Variants in AGBL4 observed in about 807,000 individuals in gnomAD.
AGBL4 encodes the protein AGBL carboxypeptidase 4, also known as cytosolic carboxypeptidase 6.
A neutral mutation model predicts 66.4 loss-of-function variants in AGBL4; 58 were observed. The observed-to-expected ratio is 0.87, with a 90% CI of 0.71 to 1.09. The LOEUF is 1.09. Ranked by LOEUF, AGBL4 falls within the 50% of genes least tolerant of loss-of-function variation. AGBL4 has a pLI of 0.00. For synonymous variants in AGBL4, 234 were observed against 222.9 expected, an observed-to-expected ratio of 1.05 and a Z score of -0.44; for missense variants, 579 against 631.0, an observed-to-expected ratio of 0.92 and a Z score of 0.88.
intron 2 of AGBL4, among the ~76,000 whole-genome samples, chr1:49,811,190 T>A (rs1394954206): frequency 6.6e-6 from 1 of 152,126 alleles, no homozygotes; most frequent in Non-Finnish European, 1.5e-5. Flanking sequence ...ATCTAAGAAC[T>A]TCTATGTTGG....
chr1:49,070,799 A>C (rs1464519011), intron 4 of AGBL4, among the ~76,000 whole-genome samples: 2 of 151,974 alleles, frequency 1.3e-5, no homozygotes, highest in East Asian at 1.9e-4. Context: ...ATTGTTTCAA[A>C]AGGAATGGTA....
intron 2 of AGBL4, among the ~76,000 whole-genome samples, chr1:49,702,520 T>A (rs1175685161): frequency 6.6e-6 from 1 of 151,804 alleles, no homozygotes; most frequent in Non-Finnish European, 1.5e-5. Context: ...CACCAATTCT[T>A]CACAAACTCT....
At chr1:49,671,013 G>T (rs1389685465) in intron 3 of AGBL4, among the ~76,000 whole-genome samples, 2 of 152,094 alleles carry the variant, frequency 1.3e-5, no homozygotes, top group African/African-American at 4.8e-5. Flanking sequence ...AACCAAAAAA[G>T]AGTTTGAATA....
rs138135072 is a variant in AGBL4 at position 49,394,905 on chromosome 1, C to T, written c.283-149041G>A. Among the ~76,000 whole-genome samples, 36 of 152,256 alleles carry T rather than the reference C, an allele frequency of 2.4e-4. No individual in the cohort carries two copies. The East Asian group carries it at 4.4e-3, about 19-fold the overall frequency. ...GTTTATTTTCATTCTGGTCTCTCTGCCTAATGCTTTCCTTCAAAAAGAATA... is the reference window on the plus strand; with the variant it reads ...GTTTATTTTCATTCTGGTCTCTCTGTCTAATGCTTTCCTTCAAAAAGAATA... On this transcript the variant is annotated intron_variant, in intron 3 of 13. Coordinates refer to ENST00000371839, the MANE Select transcript of AGBL4 (RefSeq NM_032785.4).
At chr1:49,751,444 G>A (rs933092671) in intron 2 of AGBL4, among the ~76,000 whole-genome samples, 1 of 152,198 alleles carries the variant, frequency 6.6e-6, no homozygotes, top group African/African-American at 2.4e-5. Flanking sequence ...CTTGATCGTG[G>A]TGGATAAGCT....
chr1:49,699,789 T>C (rs1352203117), intron 2 of AGBL4, among the ~76,000 whole-genome samples: 1 of 151,906 alleles, frequency 6.6e-6, no homozygotes, highest in Non-Finnish European at 1.5e-5. Context: ...AAAATCACAG[T>C]TATGTATGAT....
intron 2 of AGBL4, among the ~76,000 whole-genome samples, chr1:49,705,049 T>A (rs1445003703): frequency 6.6e-6 from 1 of 152,208 alleles, no homozygotes; most frequent in Non-Finnish European, 1.5e-5. Flanking sequence ...TGATTCTTCC[T>A]ATCTATGAGC....
At chr1:49,428,563 T>G (rs1645716136) in intron 3 of AGBL4, among the ~76,000 whole-genome samples, 1 of 152,218 alleles carries the variant, frequency 6.6e-6, no homozygotes, top group South Asian at 2.1e-4. Context: ...CTCTCCTGCC[T>G]GGAGTTTACT....
rs145484927 is a variant in AGBL4, at chr1:49,744,045, A to G, written c.158-46608T>C. Among the ~76,000 whole-genome samples the G allele has an allele frequency of 5.1e-3, 777 of 151,630 alleles. 3 individuals are homozygous for G. Among genetic ancestry groups the G allele is most frequent in the Non-Finnish European group, 9.1e-3 (617 of 67,970 alleles). On this transcript the variant is annotated intron_variant, in intron 2 of 13. Coordinates refer to ENST00000371839, the MANE Select transcript of AGBL4 (RefSeq NM_032785.4). ...GTTGTGCACATGTACCCTAAAACTT[A>G]AAGTATAATAAAAAAAAAAGATAGT...
intron 7 of AGBL4, among the ~76,000 whole-genome samples, chr1:48,660,504 C>T (rs941652730): frequency 2.2e-4 from 34 of 152,218 alleles, no homozygotes; most frequent in African/African-American, 8.0e-4. Flanking sequence ...ACATTTAGGG[C>T]TATGACTGAG....
intron 1 of AGBL4, among the ~76,000 whole-genome samples, chr1:49,978,941 G>C (rs536169595): frequency 2.0e-5 from 3 of 152,186 alleles, no homozygotes; most frequent in South Asian, 2.1e-4. Flanking sequence ...GACTGTGTGG[G>C]TACAATATAC....
chr1:49,144,479 T>G (rs893890121), intron 4 of AGBL4, among the ~76,000 whole-genome samples: 15 of 151,204 alleles, frequency 9.9e-5, no homozygotes, highest in African/African-American at 3.6e-4. Flanking sequence ...GAGTCATGCT[T>G]AAAGGCCCAG....
At chr1:49,690,190 C>T (rs1646861069) in intron 3 of AGBL4, among the ~76,000 whole-genome samples, 1 of 152,120 alleles carries the variant, frequency 6.6e-6, no homozygotes, top group South Asian at 2.1e-4. Context: ...AGACATAATG[C>T]TATTGCACAT....
At chr1:49,765,588 A>G (rs978148308) in intron 2 of AGBL4, among the ~76,000 whole-genome samples, 17 of 152,140 alleles carry the variant, frequency 1.1e-4, no homozygotes, top group African/African-American at 3.4e-4. Flanking sequence ...CTCTCCAGAA[A>G]TGGTCTCTAA....
chr1:49,353,970 ACTG>A (rs900158374), intron 3 of AGBL4, among the ~76,000 whole-genome samples: 4 of 152,124 alleles, frequency 2.6e-5, no homozygotes, highest in Admixed American at 6.5e-5. Flanking sequence ...TTCAAGTCTG[ACTG>A]ACCTGATTCT....
intron 6 of AGBL4, among the ~76,000 whole-genome samples, chr1:48,807,396 A>C (rs1558008380): frequency 6.6e-6 from 1 of 152,250 alleles, no homozygotes; most frequent in Non-Finnish European, 1.5e-5. Context: ...GAGGTGATGC[A>C]AATTAAGAAG....
At chr1:49,160,326 T>C (rs1055349141) in intron 4 of AGBL4, among the ~76,000 whole-genome samples, 3 of 152,204 alleles carry the variant, frequency 2.0e-5, no homozygotes, top group African/African-American at 7.2e-5. Context: ...GCCCCTCTGC[T>C]GCAGGTCTGC....
intron 3 of AGBL4, among the ~76,000 whole-genome samples, chr1:49,425,280 C>T (rs959999370): frequency 6.6e-6 from 1 of 152,004 alleles, no homozygotes; most frequent in Non-Finnish European, 1.5e-5. Flanking sequence ...TTTGCTCTAC[C>T]ATGTTAAAGA....
intron 3 of AGBL4, among the ~76,000 whole-genome samples, chr1:49,346,922 A>T (rs2148513436): frequency 6.6e-6 from 1 of 152,266 alleles, no homozygotes; most frequent in Middle Eastern, 3.4e-3. Flanking sequence ...TAATCATAGG[A>T]TATTTATGGT....
Sources: gnomAD v4.1 joint callset for allele counts (sites outside exome capture counted in the v4.1 genomes callset) on GRCh38, gnomAD v4.1.1 for gene constraint, MANE v1.5 for transcripts, NCBI Gene and HGNC (gene_info 2026-07-23, HGNC 2026-07-21) for gene names.